Variants in ZNF699 observed in about 807,000 individuals in gnomAD.
ZNF699 encodes the protein zinc finger protein 699, also known as hangover homolog.
Under a neutral mutation model 22.5 loss-of-function variants are expected in ZNF699, and 18 were observed. The ratio of observed to expected loss-of-function variants is 0.80; its 90% CI spans 0.55 to 1.19. The LOEUF is 1.19. Among genes scored for constraint, ZNF699 ranks in the 50% most tolerant of loss-of-function variants. ZNF699 has a pLI of 0.00. For synonymous variants in ZNF699, 241 were observed against 262.3 expected, an observed-to-expected ratio of 0.92 and a Z score of 0.78; for missense variants, 670 against 763.4, an observed-to-expected ratio of 0.88 and a Z score of 1.44.
chr19:9,304,969 G>T, intron 2 of ZNF699, 103 bp downstream of exon 2: 22 of 706,362 alleles, frequency 3.1e-5, no homozygotes, highest in Non-Finnish European at 4.5e-5. Flanking sequence ...AAAATACTAT[G>T]TGGTCCAATA....
In ZNF699 at chr19:9,291,676, TC is replaced by T. The variant is rs571548508; in HGVS notation, c.*3798del. 2 of 151,900 alleles carry T rather than the reference TC, an allele frequency of 1.3e-5. No individual in the cohort carries two copies. Among genetic ancestry groups the T allele is most frequent in the East Asian group, 3.9e-4 (2 of 5,170 alleles). The allele number at this position is 151,900 out of a possible 1,614,324, so 9.4% of individuals were successfully genotyped here. ...AAACAGGTGTCAGATCTCAAGTTGA[TC>T]TTTATGCTCATTAAAGATTAAGCAG... On this transcript the variant is annotated 3_prime_UTR_variant, in exon 6 of 6. Transcript: ENST00000591998.
At chr19:9,298,244 G>A (rs949686014) in intron 3 of ZNF699, among the ~76,000 whole-genome samples, 6 of 151,142 alleles carry the variant, frequency 4.0e-5, no homozygotes, top group African/African-American at 1.2e-4. Context: ...TCAGGGGTTC[G>A]AGACTAGCCT....
intron 3 of ZNF699, among the ~76,000 whole-genome samples, chr19:9,298,443 C>T (rs1015577755): frequency 2.3e-5 from 3 of 128,528 alleles, no homozygotes; most frequent in Non-Finnish European, 4.9e-5. Context: ...GAGACTCTAT[C>T]TCAAAAAAAA....
chr19:9,302,624 C>T (rs561218410), intron 2 of ZNF699, 120 bp from the exon 3 acceptor site: 2 of 1,025,124 alleles, frequency 2.0e-6, no homozygotes, highest in African/African-American at 1.6e-5. Context: ...TCAGAAGATC[C>T]CAGCATCTAC....
chr19:9,308,183 T>C (rs2066334460), intron 1 of ZNF699, among the ~76,000 whole-genome samples: 2 of 152,176 alleles, frequency 1.3e-5, no homozygotes, highest in African/African-American at 4.8e-5. Flanking sequence ...AGACTCTTTA[T>C]GTTCCCAGGT....
At chr19:9,305,266 T>TAC (rs755417456) in intron 1 of ZNF699, 142 bp from the exon 2 acceptor site, 6,980 of 578,130 alleles carry the variant, frequency 0.012, 153 homozygotes, top group African/African-American at 0.083. Flanking sequence ...TCAAAACACA[T>TAC]ACACACACAC....
In ZNF699 at chr19:9,309,745, C is replaced by T. The variant is rs564575129; in HGVS notation, c.-401G>A. The T allele has an allele frequency of 1.6e-4, 25 of 152,592 alleles. No individual in the cohort carries two copies. Among genetic ancestry groups the T allele is most frequent in the Non-Finnish European group, 3.7e-4 (25 of 68,304 alleles). The allele number at this position is 152,592 out of a possible 1,614,324, so 9.5% of individuals were successfully genotyped here. A position where few individuals can be genotyped will look rare whatever the true frequency, so the allele number is the denominator to read the frequency against. On this transcript the variant is annotated 5_prime_UTR_variant, in exon 1 of 6. Coordinates refer to ENST00000591998, the MANE Select transcript of ZNF699 (RefSeq NM_198535.3). ...CCGACCCGGGGCAGGCAGGGCGGGG[C>T]GGGGCAGGGCAGGACAGGAAGCGGG...
In ZNF699 at chr19:9,292,089, C is replaced by G. The variant is rs1185311716; in HGVS notation, c.*3386G>C. Among the ~76,000 whole-genome samples the G allele has an allele frequency of 6.6e-6, 1 of 152,162 alleles. No individual in the cohort carries two copies. The highest frequency in any genetic ancestry group is 2.4e-5 in the African/African-American group (1 of 41,430). On this transcript the variant is annotated 3_prime_UTR_variant, in exon 6 of 6. Coordinates refer to ENST00000591998, the MANE Select transcript of ZNF699 (RefSeq NM_198535.3). ...CTATCTAGGAACTACCTAACCCTGG[C>G]TGAGTTCCCAGACTTCACAGTTCCC...
At chr19:9,299,666 T>G (rs1392716855) in intron 3 of ZNF699, among the ~76,000 whole-genome samples, 1 of 152,090 alleles carries the variant, frequency 6.6e-6, no homozygotes, top group Non-Finnish European at 1.5e-5. Flanking sequence ...ATAATTGAGC[T>G]TCATTAACAT....
rs138809007 is a variant in ZNF699 at position 9,295,976 on chromosome 19, T to C, written c.1428A>G (p.Glu476=). ...VRDHTGKIQY[E]CKECGKTFSR... ...TAAAGGTCTTCCCACACTCCTTACATTCATACTGTATCTTTCCAGTGTGAT... is the reference window on the plus strand; with the variant it reads ...TAAAGGTCTTCCCACACTCCTTACACTCATACTGTATCTTTCCAGTGTGAT... Residue 476 remains glutamate (E), a synonymous_variant, in exon 6 of 6, where the codon GAA becomes GAG. Coordinates refer to ENST00000591998, the MANE Select transcript of ZNF699 (RefSeq NM_198535.3). 1.2e-6 allele frequency: 2 copies of C among 1,613,964 alleles called. No individual in the cohort carries two copies. The highest frequency in any genetic ancestry group is 1.7e-6 in the Non-Finnish European group (2 of 1,180,022).
At position 9,305,110 on chromosome 19, in the gene ZNF699, C is replaced by G. The variant is rs748320576; in HGVS notation, c.10G>C (p.Glu4Gln). ...TTCTGTAACTCAGCAGTTTTTCTTT[C>G]TTCCTCCATGTCGCCTTCATGAAGA... is the stretch of plus-strand genomic sequence containing the variant. MEE[E>Q]RKTAELQKNR... Residue 4 changes from glutamate to glutamine, a missense_variant, in exon 2 of 6, where the codon GAA becomes CAA. Glu to Gln is a conservative substitution (Grantham distance 29). Coordinates refer to ENST00000591998, the MANE Select transcript of ZNF699 (RefSeq NM_198535.3). The G allele has an allele frequency of 2.4e-5, 39 of 1,613,262 alleles. No homozygotes were observed. The highest frequency in any genetic ancestry group is 1.6e-4 in the Middle Eastern group (1 of 6,084).
intron 1 of ZNF699, among the ~76,000 whole-genome samples, chr19:9,305,617 G>T (rs1444110720): frequency 6.6e-6 from 1 of 152,158 alleles, no homozygotes. Flanking sequence ...CCCTTGGCTG[G>T]CTAACAGGCT....
chr19:9,303,068 A>G (rs768846579), intron 2 of ZNF699, among the ~76,000 whole-genome samples: 1 of 152,210 alleles, frequency 6.6e-6, no homozygotes, highest in African/African-American at 2.4e-5. Context: ...TCTGATGCCA[A>G]TGAGCTAGGA....
rs1161179758 is a variant in ZNF699 at position 9,292,117 on chromosome 19, T to C, written c.*3358A>G. On this transcript the variant is annotated 3_prime_UTR_variant, in exon 6 of 6. Coordinates refer to ENST00000591998, the MANE Select transcript of ZNF699 (RefSeq NM_198535.3). ...AGTTCCCAGACTTCACAGTTCCCAC[T>C]TGCTGCTAAGACCAGCATAACAGCT... Among the ~76,000 whole-genome samples, 1 of 152,190 alleles carries C rather than the reference T, an allele frequency of 6.6e-6. No homozygotes were observed. The highest frequency in any genetic ancestry group is 2.4e-5 in the African/African-American group (1 of 41,458).
At chr19:9,307,651 A>G (rs1348094512) in intron 1 of ZNF699, among the ~76,000 whole-genome samples, 1 of 150,870 alleles carries the variant, frequency 6.6e-6, no homozygotes, top group African/African-American at 2.5e-5. Context: ...CTCCTAGAGG[A>G]AAAAAAATCA....
At position 9,303,019 on chromosome 19, in the gene ZNF699, A is replaced by C. The variant is rs376970786; in HGVS notation, c.49-515T>G. 7.0e-3 allele frequency among the ~76,000 whole-genome samples: 1,061 copies of C among 152,198 alleles called. 7 individuals are homozygous for C. The highest frequency in any genetic ancestry group is 0.024 in the African/African-American group (999 of 41,522). On this transcript the variant is annotated intron_variant, in intron 2 of 5. Coordinates refer to ENST00000591998, the MANE Select transcript of ZNF699 (RefSeq NM_198535.3). ...CTCTAGCCTGGACAAAAAAAAACAA[A>C]AACAAAAACAAAAAAACATTAAATT...
chr19:9,298,230 G>A (rs573777984), intron 3 of ZNF699, among the ~76,000 whole-genome samples: 23 of 151,112 alleles, frequency 1.5e-4, no homozygotes, highest in Admixed American at 5.9e-4. Context: ...GGCAGATCAC[G>A]AGGTCAGGGG....
rs1009384786 is a variant in ZNF699 at position 9,309,341 on chromosome 19, C to T, written c.-6+9G>A. The T allele has an allele frequency of 6.6e-6, 1 of 152,204 alleles. No homozygotes were observed. The highest frequency in any genetic ancestry group is 2.4e-5 in the African/African-American group (1 of 41,390). The allele number at this position is 152,204 out of a possible 1,614,324, so 9.4% of individuals were successfully genotyped here. ...GACCGAGCCGAGGCAAATGTCACCC[C>T]GTGCTCACCCGACACGCCGCGATCC... On this transcript the variant is annotated intron_variant, in intron 1 of 5. Coordinates refer to ENST00000591998, the MANE Select transcript of ZNF699 (RefSeq NM_198535.3).
At chr19:9,299,229 G>A (rs987403469) in intron 3 of ZNF699, among the ~76,000 whole-genome samples, 1 of 152,210 alleles carries the variant, frequency 6.6e-6, no homozygotes, top group Non-Finnish European at 1.5e-5. Context: ...CTGCCTCCTG[G>A]GTTCACGCCA....
Sources: allele counts gnomAD v4.1 joint callset (sites outside exome capture counted in the v4.1 genomes callset), GRCh38; gene constraint gnomAD v4.1.1; transcripts MANE v1.5; gene names NCBI Gene and HGNC (gene_info 2026-07-23, HGNC 2026-07-21).